The following VWA2 variants were observed in gnomAD, a reference collection of about 807,000 sequenced individuals.
VWA2 encodes the protein von Willebrand factor A domain containing 2.
Under a neutral mutation model 70.4 loss-of-function variants are expected in VWA2, and 73 were observed. The observed-to-expected ratio is 1.04, with a 90% CI of 0.86 to 1.26. The LOEUF (loss-of-function observed/expected upper bound fraction) is 1.26. VWA2 is among the 50% of genes most tolerant of loss of function. The probability of loss-of-function intolerance (pLI) is 0.00; values close to 1 mark genes in which losing one functional copy is unlikely to be tolerated. For synonymous variants in VWA2, 407 were observed against 423.3 expected, an observed-to-expected ratio of 0.96 and a Z score of 0.47; for missense variants, 1,011 against 998.5, an observed-to-expected ratio of 1.01 and a Z score of -0.17.
At chr10:114,254,229 G>A (rs891005165) in intron 3 of VWA2, among the ~76,000 whole-genome samples, 11 of 151,668 alleles carry the variant, frequency 7.3e-5, no homozygotes, top group Non-Finnish European at 1.2e-4. Flanking sequence ...GCATCACCAC[G>A]CCTAGCTAGT....
intron 5 of VWA2, among the ~76,000 whole-genome samples, chr10:114,264,775 A>G (rs1470599694): frequency 6.7e-6 from 1 of 149,958 alleles, no homozygotes; most frequent in Non-Finnish European, 1.5e-5. Context: ...GCTGGAGTGC[A>G]ATGGCACGAT....
At chr10:114,290,862 G>C (rs1401453412) in intron 13 of VWA2, among the ~76,000 whole-genome samples, 1 of 152,186 alleles carries the variant, frequency 6.6e-6, no homozygotes. Flanking sequence ...CTAGAGGTTT[G>C]AGAGAAAAGA....
chr10:114,241,100 G>A (rs1057130821), intron 1 of VWA2, among the ~76,000 whole-genome samples: 1 of 152,094 alleles, frequency 6.6e-6, no homozygotes, highest in South Asian at 2.1e-4. Flanking sequence ...AAGCAAAATT[G>A]AGCAGAAGGT....
chr10:114,256,411 T>A (rs1174783578), intron 4 of VWA2, among the ~76,000 whole-genome samples: 9 of 152,194 alleles, frequency 5.9e-5, no homozygotes, highest in Non-Finnish European at 1.2e-4. Flanking sequence ...TGAAAATCTG[T>A]CTTTGTTTTC....
chr10:114,245,927 C>A, intron 1 of VWA2: 1 of 408,096 alleles, frequency 2.5e-6, no homozygotes. Flanking sequence ...ATAGACAGTT[C>A]CAAGTGGTGC....
At chr10:114,246,480 A>G (rs1056886276) in intron 1 of VWA2, 7 of 687,554 alleles carry the variant, frequency 1.0e-5, no homozygotes, top group Non-Finnish European at 9.6e-6. Flanking sequence ...CAGCCTGGGC[A>G]ACAAGAGTGA....
At chr10:114,289,775 C>G in intron 12 of VWA2, 1 of 474,096 alleles carries the variant, frequency 2.1e-6, no homozygotes, top group South Asian at 2.2e-5. Flanking sequence ...AGAATATCCA[C>G]AAGCTTCCTA....
intron 9 of VWA2, among the ~76,000 whole-genome samples, chr10:114,283,293 GGCAGCGA>G (rs879296975): frequency 0.026 from 4,002 of 151,764 alleles, 88 homozygotes; most frequent in African/African-American, 0.058. Flanking sequence ...AGGCAGGCAG[GGCAGCGA>G]GCAGTTAGAC....
chr10:114,261,373 T>C, intron 5 of VWA2, 78 bp downstream of exon 5: 2 of 1,173,660 alleles, frequency 1.7e-6, no homozygotes, highest in Non-Finnish European at 2.5e-6. Context: ...GGTTTGGTCC[T>C]GCTCTGGGCT....
At chr10:114,255,516 T>C (rs1319645475) in intron 4 of VWA2, among the ~76,000 whole-genome samples, 1 of 151,714 alleles carries the variant, frequency 6.6e-6, no homozygotes, top group Non-Finnish European at 1.5e-5. Context: ...GGGTAGGGAG[T>C]AGATTTGACT....
intron 6 of VWA2, among the ~76,000 whole-genome samples, chr10:114,276,459 TCTACAAGCAATAAAGCA>T (rs1313113543): frequency 6.6e-6 from 1 of 152,152 alleles, no homozygotes; most frequent in Admixed American, 6.5e-5. Context: ...AGCGTGAAAC[TCTACAAGCAATAAAGCA>T]AAAAAACTGA....
chr10:114,263,182 AT>A (rs1424645577), intron 5 of VWA2, among the ~76,000 whole-genome samples: 1 of 151,660 alleles, frequency 6.6e-6, no homozygotes, highest in Non-Finnish European at 1.5e-5. Context: ...CACTGGGCTA[AT>A]TTTTCTATTT....
At chr10:114,240,036 A>C (rs1040803579) in intron 1 of VWA2, among the ~76,000 whole-genome samples, 2 of 152,084 alleles carry the variant, frequency 1.3e-5, no homozygotes, top group Non-Finnish European at 2.9e-5. Context: ...CCCACACCCC[A>C]CTACAGGACA....
intron 4 of VWA2, 136 bp downstream of exon 4, chr10:114,255,184 A>G: frequency 9.2e-7 from 1 of 1,085,874 alleles, no homozygotes; most frequent in African/African-American, 1.6e-5. Flanking sequence ...GGTTCCTGGC[A>G]TGGTGGGATC....
chr10:114,285,194 T>C (rs1363131385), intron 10 of VWA2, among the ~76,000 whole-genome samples: 1 of 152,156 alleles, frequency 6.6e-6, no homozygotes, highest in Non-Finnish European at 1.5e-5. Flanking sequence ...GCTCCCAGCT[T>C]ATTAGCTGCA....
At chr10:114,285,497 G>C (rs926757660) in intron 10 of VWA2, among the ~76,000 whole-genome samples, 1 of 152,224 alleles carries the variant, frequency 6.6e-6, no homozygotes, top group African/African-American at 2.4e-5. Flanking sequence ...TACTGGGTTA[G>C]TTGAAGATCT....
intron 8 of VWA2, among the ~76,000 whole-genome samples, chr10:114,280,103 T>A (rs567448581): frequency 6.6e-6 from 1 of 152,304 alleles, no homozygotes; most frequent in African/African-American, 2.4e-5. Flanking sequence ...AAAAGGGGTG[T>A]GATAATAATC....
intron 2 of VWA2, 29 bp from the exon 3 acceptor site, chr10:114,253,622 A>G (rs781641374): frequency 6.2e-7 from 1 of 1,604,288 alleles, no homozygotes; most frequent in Non-Finnish European, 8.5e-7. Context: ...CAGCATTTTA[A>G]TGGCTGCTTC....
chr10:114,259,059 A>C (rs569560623), intron 4 of VWA2, among the ~76,000 whole-genome samples: 33 of 152,368 alleles, frequency 2.2e-4, no homozygotes, highest in Admixed American at 1.6e-3. Flanking sequence ...CATTTCCAGT[A>C]GCCCTATGCA....
Sources: allele counts gnomAD v4.1 joint callset (sites outside exome capture counted in the v4.1 genomes callset), GRCh38; gene constraint gnomAD v4.1.1; transcripts MANE v1.5; gene names NCBI Gene and HGNC (gene_info 2026-07-23, HGNC 2026-07-21).